Variants in GTF2F2 observed in about 807,000 individuals in gnomAD.
GTF2F2 encodes general transcription factor IIF subunit 2.
GTF2F2 carries 23 observed loss-of-function variants against 42.2 expected under a neutral mutation model. The ratio of observed to expected loss-of-function variants is 0.55; its 90% CI spans 0.39 to 0.77. The LOEUF is 0.77. Among genes scored for constraint, GTF2F2 ranks in the 30% least tolerant of loss-of-function variants. GTF2F2 has a pLI of 0.00. For missense variants in GTF2F2, 261 were observed against 287.2 expected, an observed-to-expected ratio of 0.91 and a Z score of 0.66; for synonymous variants, 105 against 100.8, an observed-to-expected ratio of 1.04 and a Z score of -0.25.
At chr13:45,150,134 A>G (rs1250276382) in intron 3 of GTF2F2, among the ~76,000 whole-genome samples, 1 of 152,256 alleles carries the variant, frequency 6.6e-6, no homozygotes, top group African/African-American at 2.4e-5. Flanking sequence ...CATTGAGGCC[A>G]GTTTGTGATT....
At chr13:45,131,641 C>G (rs926428803) in intron 1 of GTF2F2, among the ~76,000 whole-genome samples, 2 of 151,806 alleles carry the variant, frequency 1.3e-5, no homozygotes, top group Non-Finnish European at 2.9e-5. Context: ...CACGGTGGCT[C>G]ATGCCTGTAA....
intron 4 of GTF2F2, among the ~76,000 whole-genome samples, chr13:45,204,402 G>A (rs538164000): frequency 2.6e-5 from 4 of 152,308 alleles, no homozygotes; most frequent in African/African-American, 9.6e-5. Flanking sequence ...AAATGTGTGA[G>A]AATAAAATGA....
chr13:45,175,155 A>C (rs1237530080), intron 4 of GTF2F2, among the ~76,000 whole-genome samples: 1 of 152,142 alleles, frequency 6.6e-6, no homozygotes, highest in Non-Finnish European at 1.5e-5. Flanking sequence ...CTGTGAAATC[A>C]ACTGTTTTAG....
intron 4 of GTF2F2, among the ~76,000 whole-genome samples, chr13:45,173,193 G>T (rs1871681514): frequency 1.3e-5 from 2 of 152,188 alleles, no homozygotes; most frequent in South Asian, 4.1e-4. Flanking sequence ...TGAGGTAATT[G>T]TAGATTCACA....
chr13:45,218,229 TGAGGATTTAAAA>T (rs1873968018), intron 5 of GTF2F2, among the ~76,000 whole-genome samples: 2 of 152,244 alleles, frequency 1.3e-5, no homozygotes, highest in African/African-American at 4.8e-5. Context: ...AGATCTGTTC[TGAGGATTTAAAA>T]TGGGTGCTGA....
intron 4 of GTF2F2, chr13:45,207,103 A>T (rs1331610100): frequency 4.9e-6 from 1 of 205,370 alleles, no homozygotes; most frequent in Non-Finnish European, 9.9e-6. Flanking sequence ...TTTGTCAAAG[A>T]CGATAGCCTT....
intron 5 of GTF2F2, among the ~76,000 whole-genome samples, chr13:45,234,868 C>G (rs1250501904): frequency 6.6e-6 from 1 of 151,618 alleles, no homozygotes; most frequent in Non-Finnish European, 1.5e-5. Flanking sequence ...CAACATGGAG[C>G]AACCCCGTCT....
intron 7 of GTF2F2, among the ~76,000 whole-genome samples, chr13:45,278,655 G>A (rs975503282): frequency 6.6e-6 from 1 of 152,038 alleles, no homozygotes. Context: ...TCTCTACACA[G>A]AATTGCTGTT....
At chr13:45,158,962 T>A (rs1388603231) in intron 4 of GTF2F2, among the ~76,000 whole-genome samples, 1 of 152,252 alleles carries the variant, frequency 6.6e-6, no homozygotes. Flanking sequence ...TGATTCAAAG[T>A]GGTTTTCTTA....
chr13:45,229,406 C>G (rs1292803588), intron 5 of GTF2F2, among the ~76,000 whole-genome samples: 1 of 152,150 alleles, frequency 6.6e-6, no homozygotes, highest in Non-Finnish European at 1.5e-5. Context: ...CCCCTCTTCC[C>G]ATGTGCTTCA....
intron 1 of GTF2F2, chr13:45,123,983 C>G: frequency 1.1e-6 from 1 of 884,480 alleles, no homozygotes; most frequent in Middle Eastern, 3.4e-4. Context: ...TCCTCTTGTT[C>G]TGTCACTGGG....
chr13:45,193,718 G>A (rs1416653718), intron 4 of GTF2F2: 1 of 1,411,952 alleles, frequency 7.1e-7, no homozygotes, highest in East Asian at 2.3e-5. Flanking sequence ...TATTTGGGAT[G>A]TCTTTGATGC....
intron 1 of GTF2F2, among the ~76,000 whole-genome samples, chr13:45,128,171 A>G (rs545570839): frequency 3.5e-3 from 514 of 145,668 alleles, no homozygotes; most frequent in Non-Finnish European, 5.8e-3. Context: ...CATGTTAGCT[A>G]GGATGGTCTT....
At position 45,205,956 on chromosome 13, in the gene GTF2F2, G is replaced by T. The variant is rs1207544544; in HGVS notation, c.305-1468G>T. On this transcript the variant is annotated intron_variant, in intron 4 of 7. Transcript: ENST00000340473. ...AGAATTTTTCTTGATAGAACTTTCA[G>T]CTTCAGCAAGAGCCAAACTTGAATA... is the stretch of plus-strand genomic sequence containing the variant. Among the ~76,000 whole-genome samples the T allele has an allele frequency of 2.6e-5, 4 of 152,216 alleles. No individual in the cohort carries two copies. In the East Asian group the frequency reaches 7.7e-4, roughly 29 times the overall value.
At chr13:45,181,817 T>G (rs541187037) in intron 4 of GTF2F2, among the ~76,000 whole-genome samples, 1 of 152,158 alleles carries the variant, frequency 6.6e-6, no homozygotes, top group Non-Finnish European at 1.5e-5. Context: ...TAAAAAACTT[T>G]GTGAGCTTGA....
chr13:45,258,385 T>C (rs1417145968), intron 6 of GTF2F2, among the ~76,000 whole-genome samples: 3 of 148,552 alleles, frequency 2.0e-5, no homozygotes, highest in Non-Finnish European at 1.5e-5. Context: ...AGAAGAAAAA[T>C]CTCCCTCCCT....
rs7982610 is a variant in GTF2F2 at position 45,240,666 on chromosome 13, A to C, written c.387-12205A>C. On this transcript the variant is annotated intron_variant, in intron 5 of 7. Transcript: ENST00000340473. ...AACATGGTGAAACCCTGTCTCTACC[A>C]AAAATACAAAAATTAGTCAGGCATG... 5.7e-3 allele frequency among the ~76,000 whole-genome samples: 873 copies of C among 151,900 alleles called. 7 individuals are homozygous for C. Among genetic ancestry groups the C allele is most frequent in the African/African-American group, 0.02 (844 of 41,394 alleles).
chr13:45,204,321 T>C (rs1873333949), intron 4 of GTF2F2, among the ~76,000 whole-genome samples: 1 of 152,212 alleles, frequency 6.6e-6, no homozygotes, highest in Non-Finnish European at 1.5e-5. Flanking sequence ...GTAGGAGCCG[T>C]GTTTCATTTG....
Position 45,277,366 on chromosome 13 carries a change from A to G in GTF2F2, c.631-6076A>G, listed in dbSNP as rs937386019. On this transcript the variant is annotated intron_variant, in intron 7 of 7. Coordinates refer to ENST00000340473, the MANE Select transcript of GTF2F2 (RefSeq NM_004128.3). ...CATGGTGGAAGCATGTCACATGGCAAAAGCAGGAGTGAGAGAGTGAGGCAG... is the reference window on the plus strand; with the variant it reads ...CATGGTGGAAGCATGTCACATGGCAGAAGCAGGAGTGAGAGAGTGAGGCAG... Among the ~76,000 whole-genome samples the G allele has an allele frequency of 2.0e-5, 3 of 152,164 alleles. No homozygotes were observed. The East Asian group carries it at 5.8e-4, about 29-fold the overall frequency.
Sources: gnomAD v4.1 joint callset for allele counts (sites outside exome capture counted in the v4.1 genomes callset) on GRCh38, gnomAD v4.1.1 for gene constraint, MANE v1.5 for transcripts, NCBI Gene and HGNC (gene_info 2026-07-23, HGNC 2026-07-21) for gene names.